Variants in ANAPC1 observed in about 807,000 individuals in gnomAD.
ANAPC1 encodes anaphase promoting complex subunit 1, also known as anaphase-promoting complex subunit 1.
A neutral mutation model predicts 208.0 loss-of-function variants in ANAPC1; 36 were observed. That is an observed-to-expected ratio of 0.17 (90% CI 0.13 to 0.23). The LOEUF is 0.23. ANAPC1 is among the 10% of genes least tolerant of loss of function. ANAPC1 has a pLI of 1.00. For missense variants in ANAPC1, 942 were observed against 2,011.6 expected (o/e 0.47, Z 10.17); for synonymous variants, 378 against 695.2 (o/e 0.54, Z 7.18).
intron 20 of ANAPC1, among the ~76,000 whole-genome samples, chr2:111,832,744 A>C (rs1203126501): frequency 2.0e-5 from 3 of 151,794 alleles, no homozygotes; most frequent in African/African-American, 7.3e-5. Flanking sequence ...CCTGTGTAAC[A>C]CAGTTAAACC....
intron 38 of ANAPC1, among the ~76,000 whole-genome samples, chr2:111,788,994 C>CG (rs1471301144): frequency 6.6e-6 from 1 of 152,248 alleles, no homozygotes; most frequent in African/African-American, 2.4e-5. Flanking sequence ...AAAAATTAGC[C>CG]GGGCGCCGTG....
At chr2:111,772,194 C>CT (rs1003235126) in intron 47 of ANAPC1, 147 bp downstream of exon 47, 14 of 547,078 alleles carry the variant, frequency 2.6e-5, no homozygotes, top group Non-Finnish European at 4.3e-5. Context: ...ATAATTTTTT[C>CT]TTTTTTGCTC....
intron 34 of ANAPC1, among the ~76,000 whole-genome samples, chr2:111,798,857 A>AC (rs1678293108): frequency 6.6e-6 from 1 of 152,192 alleles, no homozygotes; most frequent in South Asian, 2.1e-4. Flanking sequence ...ACACAGTGAA[A>AC]CCCCGTCTCT....
intron 9 of ANAPC1, 120 bp downstream of exon 9, chr2:111,863,555 T>G (rs1189791897): frequency 1.0e-6 from 1 of 958,800 alleles, no homozygotes; most frequent in Non-Finnish European, 1.5e-6. Context: ...ATAATGGCTA[T>G]TTCCCCTAAA....
chr2:111,811,062 T>C (rs1439677406), intron 28 of ANAPC1, among the ~76,000 whole-genome samples: 4 of 152,038 alleles, frequency 2.6e-5, no homozygotes, highest in Non-Finnish European at 4.4e-5. Flanking sequence ...TCGGCCATCA[T>C]GTGGGATCAG....
chr2:111,844,331 G>A (rs1254146182), intron 16 of ANAPC1, among the ~76,000 whole-genome samples: 1 of 151,724 alleles, frequency 6.6e-6, no homozygotes, highest in East Asian at 1.9e-4. Flanking sequence ...CACTTTGCGA[G>A]GTCAAGGCGG....
rs1680116187 is a variant in ANAPC1, at chr2:111,831,292, T to G, written c.2619A>C (p.Val873=). The G allele has an allele frequency of 6.2e-7, 1 of 1,609,514 alleles. No homozygotes were observed. Among genetic ancestry groups the G allele is most frequent in the African/African-American group, 1.3e-5 (1 of 74,716 alleles). The change falls in exon 21 of 48, where the codon GTA becomes GTC. Residue 873 remains valine, a synonymous_variant. Coordinates refer to ENST00000341068, the MANE Select transcript of ANAPC1 (RefSeq NM_022662.4). ...LPGICERSRL[V]VLSIALYILG... The stretch of plus-strand genomic sequence containing the variant: ...TAACACTCCACATACATACCAAGAC[T>G]ACAAGTCTGCTTCTTTCACAGATTC...
chr2:111,772,676 A>G (rs7605618), intron 46 of ANAPC1, among the ~76,000 whole-genome samples: 2,289 of 151,698 alleles, frequency 0.015, 47 homozygotes, highest in East Asian at 0.09. Context: ...TGGGGGAGAC[A>G]GATATTACAC....
intron 3 of ANAPC1, among the ~76,000 whole-genome samples, chr2:111,874,752 C>A (rs2104597920): frequency 6.6e-6 from 1 of 152,300 alleles, no homozygotes; most frequent in South Asian, 2.1e-4. Flanking sequence ...ATCTGTGAAT[C>A]CCTGTTCTCA....
At chr2:111,816,349 T>TTC (rs1195445401) in intron 27 of ANAPC1, among the ~76,000 whole-genome samples, 2 of 151,090 alleles carry the variant, frequency 1.3e-5, no homozygotes, top group African/African-American at 4.9e-5. Flanking sequence ...CTCTCTTTTT[T>TTC]TCTCTCTCTC....
rs180985540 is a variant in ANAPC1, at chr2:111,853,918, G to A, written c.1515+2696C>T. On this transcript the variant is annotated intron_variant, in intron 13 of 47. Transcript: ENST00000341068. ...CTTTTAGTAGACACAGGGTTTCACC[G>A]TGTTAGCCAGGATGGTCTCGATCTC... Among the ~76,000 whole-genome samples, 1,266 of 152,104 alleles carry A rather than the reference G, an allele frequency of 8.3e-3. 62 individuals carry two copies. The highest frequency in any genetic ancestry group is 0.073 in the Admixed American group (1,113 of 15,266).
intron 26 of ANAPC1, among the ~76,000 whole-genome samples, chr2:111,820,038 C>T (rs562312739): frequency 0.052 from 7,856 of 151,904 alleles, 378 homozygotes; most frequent in African/African-American, 0.17. Context: ...ATTATATCCC[C>T]TGAATATAAG....
Position 111,843,425 on chromosome 2 carries a change from G to A in ANAPC1, c.2027C>T (p.Ala676Val), listed in dbSNP as rs1335587302. 3 of 1,611,932 alleles carry A rather than the reference G, an allele frequency of 1.9e-6. No homozygotes were observed. The South Asian group carries it at 3.3e-5, about 18-fold the overall frequency. ...GTATTTACTTACATTTCTAGTCCAT[G>A]CTAAGCGGTCTGTGTTATAACCCAT... is the stretch of plus-strand genomic sequence containing the variant. ...NMMGYNTDRL[A>V]WTRNFDFEGS... Residue 676 changes from alanine (A) to valine (V), a missense_variant, in exon 17 of 48, where the codon GCA (alanine) becomes GTA (valine). By Grantham distance (64) the Ala-to-Val change is moderately conservative. Transcript: ENST00000341068.
chr2:111,798,975 A>C (rs949293379), intron 34 of ANAPC1, among the ~76,000 whole-genome samples: 9 of 151,012 alleles, frequency 6.0e-5, no homozygotes, highest in Non-Finnish European at 1.3e-4. Flanking sequence ...CGGAGCTTGC[A>C]GTGAGCCGAG....
In ANAPC1 at chr2:111,839,966, CA is replaced by C. The variant is rs201466199; in HGVS notation, c.2041-1455del. On this transcript the variant is annotated intron_variant, in intron 17 of 47. Coordinates refer to ENST00000341068, the MANE Select transcript of ANAPC1 (RefSeq NM_022662.4). The stretch of plus-strand genomic sequence containing the variant: ...CCTTCATCTATCATAACACATTTAT[CA>C]AATATTATTTATTTGTTTCCCCCAA... 8.2e-3 allele frequency among the ~76,000 whole-genome samples: 1,242 copies of C among 152,206 alleles called. 8 individuals carry two copies. Among genetic ancestry groups the C allele is most frequent in the Non-Finnish European group, 0.014 (974 of 68,012 alleles).
At chr2:111,858,909 T>C (rs1681895516) in intron 10 of ANAPC1, among the ~76,000 whole-genome samples, 1 of 152,222 alleles carries the variant, frequency 6.6e-6, no homozygotes, top group African/African-American at 2.4e-5. Flanking sequence ...TCTTTGATTA[T>C]GAGCTCGTTA....
chr2:111,855,418 T>G (rs575706231), intron 13 of ANAPC1, among the ~76,000 whole-genome samples: 1 of 152,096 alleles, frequency 6.6e-6, no homozygotes, highest in African/African-American at 2.4e-5. Context: ...CAACACGAAG[T>G]TGCCACAAAC....
intron 29 of ANAPC1, among the ~76,000 whole-genome samples, chr2:111,806,298 G>A (rs368595592): frequency 0.15 from 8,151 of 52,936 alleles, 869 homozygotes; most frequent in Middle Eastern, 0.26. Flanking sequence ...TTGGGAGGCC[G>A]AGGCAGGTGG....
At chr2:111,863,193 G>A (rs907606358) in intron 9 of ANAPC1, among the ~76,000 whole-genome samples, 1 of 151,948 alleles carries the variant, frequency 6.6e-6, no homozygotes, top group Non-Finnish European at 1.5e-5. Context: ...AATGTGACAT[G>A]GTAAACTTAG....
Sources: allele counts gnomAD v4.1 joint callset (sites outside exome capture counted in the v4.1 genomes callset), GRCh38; gene constraint gnomAD v4.1.1; transcripts MANE v1.5; gene names NCBI Gene and HGNC (gene_info 2026-07-23, HGNC 2026-07-21).